Variants in PSD3 observed in about 807,000 individuals in gnomAD.
PSD3 encodes PH and SEC7 domain-containing protein 3.
In PSD3, 49 loss-of-function variants were observed where a neutral mutation model predicts 105.5. That is an observed-to-expected ratio of 0.46 (90% CI 0.37 to 0.59). PSD3 has a LOEUF of 0.59. Among genes scored for constraint, PSD3 ranks in the 20% least tolerant of loss-of-function variants. The probability of loss-of-function intolerance (pLI) is 0.00; values close to 1 mark genes in which losing one functional copy is unlikely to be tolerated. For synonymous variants in PSD3, 557 were observed against 457.8 expected (o/e 1.22, Z -2.77); for missense variants, 1,561 against 1,263.8 (o/e 1.24, Z -3.57).
At chr8:19,066,361 T>A (rs746930962) in intron 1 of PSD3, among the ~76,000 whole-genome samples, 1 of 152,268 alleles carries the variant, frequency 6.6e-6, no homozygotes, top group African/African-American at 2.4e-5. Flanking sequence ...TGGCTGGATA[T>A]AGGCCATTTT....
chr8:18,903,204 A>G (rs193289299), intron 2 of PSD3, among the ~76,000 whole-genome samples: 188 of 152,274 alleles, frequency 1.2e-3, no homozygotes, highest in Admixed American at 2.1e-3. Flanking sequence ...CAACTCCAGG[A>G]AAGTGATACT....
chr8:18,784,722 G>A (rs1457869699), intron 8 of PSD3, among the ~76,000 whole-genome samples: 1 of 152,176 alleles, frequency 6.6e-6, no homozygotes, highest in African/African-American at 2.4e-5. Context: ...GAGATACACA[G>A]AGTGAGGTCT....
At chr8:18,561,809 A>C (rs1420050159) in intron 14 of PSD3, among the ~76,000 whole-genome samples, 1 of 152,194 alleles carries the variant, frequency 6.6e-6, no homozygotes, top group Non-Finnish European at 1.5e-5. Context: ...AGTATTGCTT[A>C]ACTGATCAGG....
chr8:18,765,049 G>A (rs2129443625), intron 9 of PSD3, among the ~76,000 whole-genome samples: 1 of 152,268 alleles, frequency 6.6e-6, no homozygotes, highest in Non-Finnish European at 1.5e-5. Flanking sequence ...AACATGAGTG[G>A]CTCTGAGACT....
intron 12 of PSD3, among the ~76,000 whole-genome samples, chr8:18,590,269 G>A (rs1480912790): frequency 1.3e-5 from 2 of 152,038 alleles, no homozygotes; most frequent in Non-Finnish European, 2.9e-5. Flanking sequence ...TCATCTCAGT[G>A]GTGCAAGCGT....
chr8:18,587,497 C>G (rs1235286547), intron 12 of PSD3, among the ~76,000 whole-genome samples: 2 of 152,158 alleles, frequency 1.3e-5, no homozygotes, highest in Non-Finnish European at 2.9e-5. Context: ...TAGTTTGCCA[C>G]TCTTTGAATA....
intron 14 of PSD3, among the ~76,000 whole-genome samples, chr8:18,567,062 G>C (rs1038856275): frequency 2.0e-5 from 3 of 152,110 alleles, no homozygotes; most frequent in Non-Finnish European, 2.9e-5. Flanking sequence ...ATTTTAGTGA[G>C]GGAAAATCAA....
chr8:18,938,347 C>G (rs1400674094), intron 1 of PSD3, among the ~76,000 whole-genome samples: 1 of 151,118 alleles, frequency 6.6e-6, no homozygotes, highest in Admixed American at 6.6e-5. Context: ...AGGGGCCAGG[C>G]ACAGTGGCTC....
intron 14 of PSD3, among the ~76,000 whole-genome samples, chr8:18,566,813 T>C (rs539759055): frequency 3.9e-5 from 6 of 152,354 alleles, no homozygotes; most frequent in Admixed American, 2.6e-4. Context: ...TCTGTGGATT[T>C]ATGTCCAAAA....
At chr8:18,768,959 A>T (rs1224355521) in intron 8 of PSD3, among the ~76,000 whole-genome samples, 2 of 152,228 alleles carry the variant, frequency 1.3e-5, no homozygotes, top group Admixed American at 6.5e-5. Flanking sequence ...CAGTTTAAAA[A>T]TTTTGTTGAT....
chr8:18,872,308 T>G lies in PSD3; in HGVS notation c.556A>C (p.Thr186Pro), dbSNP rs7003060. The G allele has an allele frequency of 0.72, 1,169,813 of 1,613,592 alleles. 429,953 individuals carry two copies. The highest frequency in any genetic ancestry group is 0.99 in the East Asian group (44,335 of 44,872). ...ASRKTQRVNK[T>P]LPAGQKNLPE... Reference sequence around the variant, plus strand: ...AAATTTTTTTGGCCAGCAGGGAGCGTTTTGTTGACTCTCTGTGTTTTACGA... The same window carrying G: ...AAATTTTTTTGGCCAGCAGGGAGCGGTTTGTTGACTCTCTGTGTTTTACGA... The change falls in exon 3 of 16, where the codon ACG (threonine) becomes CCG (proline). Residue 186 changes from threonine (T) to proline (P), a missense_variant. Transcript: ENST00000327040.
chr8:18,622,537 T>C (rs995123975), intron 11 of PSD3, among the ~76,000 whole-genome samples: 6 of 152,218 alleles, frequency 3.9e-5, no homozygotes, highest in African/African-American at 1.4e-4. Context: ...CTCTGTAGTT[T>C]TATGGAGCAT....
intron 1 of PSD3, among the ~76,000 whole-genome samples, chr8:18,943,045 C>G (rs1355762213): frequency 1.3e-5 from 2 of 152,132 alleles, no homozygotes; most frequent in African/African-American, 4.8e-5. Context: ...CCAAAAACAG[C>G]GATGTATAAT....
chr8:18,721,950 G>C (rs1438607690), intron 9 of PSD3, among the ~76,000 whole-genome samples: 2 of 152,086 alleles, frequency 1.3e-5, no homozygotes, highest in African/African-American at 4.8e-5. Flanking sequence ...GTCACACATA[G>C]TAATGCCACG....
intron 1 of PSD3, among the ~76,000 whole-genome samples, chr8:19,076,289 T>G (rs1829461349): frequency 6.6e-6 from 1 of 152,230 alleles, no homozygotes; most frequent in South Asian, 2.1e-4. Flanking sequence ...AGAGTAGAGC[T>G]GGATCTACTT....
intron 9 of PSD3, among the ~76,000 whole-genome samples, chr8:18,725,499 C>T (rs374973904): frequency 5.3e-5 from 8 of 152,260 alleles, no homozygotes; most frequent in East Asian, 1.9e-4. Flanking sequence ...TCTGGAACCA[C>T]TGGGGACAAT....
intron 1 of PSD3, among the ~76,000 whole-genome samples, chr8:18,940,967 T>C (rs1022994567): frequency 6.6e-6 from 1 of 152,186 alleles, no homozygotes; most frequent in African/African-American, 2.4e-5. Flanking sequence ...AAACAATTAG[T>C]TATTCTTGAA....
intron 9 of PSD3, among the ~76,000 whole-genome samples, chr8:18,697,863 C>A (rs187216733): frequency 7.3e-4 from 111 of 152,310 alleles, no homozygotes; most frequent in African/African-American, 2.5e-3. Flanking sequence ...AACAAAAATC[C>A]ATTTCATCGT....
rs917613641 is a variant in PSD3 at position 18,710,363 on chromosome 8, G to A, written c.2173-54678C>T. On this transcript the variant is annotated intron_variant, in intron 9 of 15. Transcript: ENST00000327040. ...GATTATGTAAAAAGACAAAACCTAC[G>A]ACTGATTGGGGTACCTGAAAGAGAC... Among the ~76,000 whole-genome samples the A allele has an allele frequency of 3.3e-5, 5 of 152,094 alleles. 1 individual carries two copies. Among genetic ancestry groups the A allele is most frequent in the South Asian group, 4.1e-4 (2 of 4,828 alleles).
Sources: allele counts gnomAD v4.1 joint callset (sites outside exome capture counted in the v4.1 genomes callset), GRCh38; gene constraint gnomAD v4.1.1; transcripts MANE v1.5; gene names NCBI Gene and HGNC (gene_info 2026-07-23, HGNC 2026-07-21).